TNFRSF8: variants seen among roughly 807,000 people sequenced by gnomAD.
TNFRSF8 encodes tumor necrosis factor receptor superfamily member 8.
Under a neutral mutation model 70.8 loss-of-function variants are expected in TNFRSF8, and 26 were observed. That is an observed-to-expected ratio of 0.37 (90% CI 0.27 to 0.51). TNFRSF8 has a LOEUF of 0.51. Ranked by LOEUF, TNFRSF8 falls within the 20% of genes least tolerant of loss-of-function variation. The probability of loss-of-function intolerance (pLI) is 0.94; values close to 1 mark genes in which losing one functional copy is unlikely to be tolerated. For synonymous variants in TNFRSF8, 356 were observed against 339.2 expected (o/e 1.05, Z -0.54); for missense variants, 720 against 807.9 (o/e 0.89, Z 1.32).
At chr1:12,073,891 C>T (rs1255393453) in intron 1 of TNFRSF8, among the ~76,000 whole-genome samples, 2 of 151,990 alleles carry the variant, frequency 1.3e-5, no homozygotes, top group Admixed American at 6.5e-5. Flanking sequence ...CCACCGCACC[C>T]AGCCCACTGC....
At position 12,088,018 on chromosome 1, in the gene TNFRSF8, G is replaced by C. The variant is rs1305485347; in HGVS notation, c.151+3467G>C. ...AAAACCCCTTCTTTGATCTCTCGGG[G>C]AAATTTCTTGACATTTTGCCTGCCC... On this transcript the variant is annotated intron_variant, in intron 2 of 14. Transcript: ENST00000263932. The surrounding 1 kb of genome is among the most constrained non-coding windows in gnomAD (Gnocchi z 4.0). Among the ~76,000 whole-genome samples, 1 of 152,148 alleles carries C rather than the reference G, an allele frequency of 6.6e-6. No individual in the cohort carries two copies. Among genetic ancestry groups the C allele is most frequent in the African/African-American group, 2.4e-5 (1 of 41,440 alleles).
rs1209338819 is a variant in TNFRSF8 at position 12,141,307 on chromosome 1, C to G, written c.1544-980C>G. ...CAGCGCAGAACAGCTGGGAGCCAGC[C>G]CACCCTGAGCCAGACACCATCAGCT... On this transcript the variant is annotated intron_variant, in intron 14 of 14. Coordinates refer to ENST00000263932, the MANE Select transcript of TNFRSF8 (RefSeq NM_001243.5). The surrounding 1 kb of genome is among the most constrained non-coding windows in gnomAD (Gnocchi z 5.4). Among the ~76,000 whole-genome samples, 1 of 152,128 alleles carries G rather than the reference C, an allele frequency of 6.6e-6. No homozygotes were observed. Among genetic ancestry groups the G allele is most frequent in the Non-Finnish European group, 1.5e-5 (1 of 68,026 alleles).
At position 12,110,054 on chromosome 1, in the gene TNFRSF8, C is replaced by G; in HGVS notation, c.526C>G (p.Gln176Glu). Reference sequence around the variant, plus strand: ...CTTCTTCCCCAGTGGCACCATCCCCCAGGCCAAGCCCACCCCGGTGTCCCC... The same window carrying G: ...CTTCTTCCCCAGTGGCACCATCCCCGAGGCCAAGCCCACCCCGGTGTCCCC... ...CKEPSSGTIP[Q>E]AKPTPVSPAT... Residue 176 changes from glutamine (Q) to glutamate (E), a missense_variant, in exon 6 of 15, where the codon CAG becomes GAG. Transcript: ENST00000263932. The surrounding 1 kb of genome is among the most constrained non-coding windows in gnomAD (Gnocchi z 4.0). The G allele has an allele frequency of 6.2e-7, 1 of 1,613,026 alleles. No individual in the cohort carries two copies. Among genetic ancestry groups the G allele is most frequent in the Non-Finnish European group, 8.5e-7 (1 of 1,179,540 alleles).
chr1:12,081,439 C>G (rs750224197), intron 1 of TNFRSF8, among the ~76,000 whole-genome samples: 5 of 152,092 alleles, frequency 3.3e-5, no homozygotes, highest in Non-Finnish European at 7.4e-5. Flanking sequence ...CTTCGGGTGT[C>G]CTGGCAGGTT....
At chr1:12,125,930 T>TG (rs764479116) in intron 10 of TNFRSF8, 21 bp from the exon 11 acceptor site, 1 of 1,604,324 alleles carries the variant, frequency 6.2e-7, no homozygotes, top group Non-Finnish European at 8.5e-7. Context: ...GCAAAGAGTG[T>TG]GGGGCGTCTC....
Position 12,119,455 on chromosome 1 carries a change from G to C in TNFRSF8, c.946+3726G>C, listed in dbSNP as rs1641790962. ...TTAATGGAAATTACCCACGCTACATGTAATAGATGCACCACCATGATTTTA... is the reference window on the plus strand; with the variant it reads ...TTAATGGAAATTACCCACGCTACATCTAATAGATGCACCACCATGATTTTA... On this transcript the variant is annotated intron_variant, in intron 8 of 14. Coordinates refer to ENST00000263932, the MANE Select transcript of TNFRSF8 (RefSeq NM_001243.5). The surrounding 1 kb of genome is among the most constrained non-coding windows in gnomAD (Gnocchi z 4.4). Among the ~76,000 whole-genome samples, 1 of 151,952 alleles carries C rather than the reference G, an allele frequency of 6.6e-6. No individual in the cohort carries two copies. The highest frequency in any genetic ancestry group is 1.5e-5 in the Non-Finnish European group (1 of 68,020).
chr1:12,137,559 T>TTTTTTTTTG (rs1553159547), intron 13 of TNFRSF8, among the ~76,000 whole-genome samples: 19 of 123,032 alleles, frequency 1.5e-4, no homozygotes, highest in African/African-American at 3.7e-4. Flanking sequence ...TTTTTTTTTG[T>TTTTTTTTTG]TTTTTTTTTG....
rs374342412 is a variant in TNFRSF8, at chr1:12,133,356, C to T, written c.1310-2232C>T. Reference sequence around the variant, plus strand: ...TTTTTTTTATTCTGTTGGCCACCCCCAGTGACTTGGTACCAAAGAACAGTT... The same window carrying T: ...TTTTTTTTATTCTGTTGGCCACCCCTAGTGACTTGGTACCAAAGAACAGTT... On this transcript the variant is annotated intron_variant, in intron 12 of 14. Coordinates refer to ENST00000263932, the MANE Select transcript of TNFRSF8 (RefSeq NM_001243.5). Among the ~76,000 whole-genome samples, 16 of 152,080 alleles carry T rather than the reference C, an allele frequency of 1.1e-4. 2 individuals carry two copies. Among genetic ancestry groups the T allele is most frequent in the South Asian group, 6.2e-4 (3 of 4,816 alleles).
At chr1:12,091,072 A>C (rs567544766) in intron 2 of TNFRSF8, among the ~76,000 whole-genome samples, 1 of 152,342 alleles carries the variant, frequency 6.6e-6, no homozygotes, top group South Asian at 2.1e-4. Context: ...TGTAAGTCAG[A>C]GAGAAAGAGC....
chr1:12,071,530 T>C (rs928948802), intron 1 of TNFRSF8, among the ~76,000 whole-genome samples: 2 of 152,198 alleles, frequency 1.3e-5, no homozygotes, highest in Non-Finnish European at 2.9e-5. Context: ...TTCCAGTTTC[T>C]AGAAGCTGCC....
chr1:12,076,369 G>T (rs1640967443), intron 1 of TNFRSF8, among the ~76,000 whole-genome samples: 1 of 152,098 alleles, frequency 6.6e-6, no homozygotes, highest in Non-Finnish European at 1.5e-5. Flanking sequence ...CAAAGTGCTG[G>T]GATTACAAGC....
intron 1 of TNFRSF8, among the ~76,000 whole-genome samples, chr1:12,067,505 G>A (rs1021525539): frequency 9.9e-5 from 15 of 152,182 alleles, no homozygotes; most frequent in Non-Finnish European, 2.1e-4. Flanking sequence ...CCTGGTCAAC[G>A]TGGTGAGACC....
chr1:12,082,811 T>C (rs1641089676), intron 1 of TNFRSF8, among the ~76,000 whole-genome samples: 1 of 152,148 alleles, frequency 6.6e-6, no homozygotes. Context: ...GTATATGTAA[T>C]TTATTAAAGC....
At chr1:12,079,511 G>A (rs1641025815) in intron 1 of TNFRSF8, among the ~76,000 whole-genome samples, 2 of 152,206 alleles carry the variant, frequency 1.3e-5, no homozygotes, top group South Asian at 4.1e-4. Context: ...GCCAGGCAGG[G>A]TGGGCCTGGA....
rs1641597625 is a variant in TNFRSF8 at position 12,109,956 on chromosome 1, C to T, written c.513-85C>T. 2.0e-6 allele frequency: 3 copies of T among 1,502,278 alleles called. No homozygotes were observed. Among genetic ancestry groups the T allele is most frequent in the Non-Finnish European group, 2.7e-6 (3 of 1,105,870 alleles). The allele number at this position is 1,502,278 out of a possible 1,614,324, so 93.1% of individuals were successfully genotyped here. On this transcript the variant is annotated intron_variant, in intron 5 of 14. Coordinates refer to ENST00000263932, the MANE Select transcript of TNFRSF8 (RefSeq NM_001243.5). This position sits in a 1 kb window ranked among gnomAD's most constrained non-coding sequence, Gnocchi z 4.4. ...GTGGGCCAAGGGCCTGGGACCCCATCTCTGTGGAAACTGTTACTCGTGAGC... is the reference window on the plus strand; with the variant it reads ...GTGGGCCAAGGGCCTGGGACCCCATTTCTGTGGAAACTGTTACTCGTGAGC...
chr1:12,067,133 C>G (rs1368073081), intron 1 of TNFRSF8, among the ~76,000 whole-genome samples: 1 of 152,182 alleles, frequency 6.6e-6, no homozygotes, highest in Non-Finnish European at 1.5e-5. Flanking sequence ...TTAACTGGTG[C>G]ATATCTGCAG....
At chr1:12,124,563 C>G (rs1181566123) in intron 10 of TNFRSF8, among the ~76,000 whole-genome samples, 1 of 152,122 alleles carries the variant, frequency 6.6e-6, no homozygotes. Flanking sequence ...GTGGCTCACG[C>G]CTGTAATCCC....
intron 1 of TNFRSF8, among the ~76,000 whole-genome samples, chr1:12,074,067 C>T (rs1248386557): frequency 6.6e-6 from 1 of 151,708 alleles, no homozygotes; most frequent in African/African-American, 2.4e-5. Flanking sequence ...ACAATTGGCT[C>T]ATGGAGCCGG....
At chr1:12,082,474 T>G (rs1313527296) in intron 1 of TNFRSF8, among the ~76,000 whole-genome samples, 5 of 146,222 alleles carry the variant, frequency 3.4e-5, no homozygotes, top group African/African-American at 5.1e-5. Flanking sequence ...TATTTCAGCC[T>G]GGGAGGCTGA....
Sources: allele counts gnomAD v4.1 joint callset (sites outside exome capture counted in the v4.1 genomes callset), GRCh38; gene constraint gnomAD v4.1.1; non-coding constraint Gnocchi (gnomAD v3.1); transcripts MANE v1.5; gene names NCBI Gene and HGNC (gene_info 2026-07-23, HGNC 2026-07-21).